PRH1: variants seen among roughly 807,000 people sequenced by gnomAD.
The protein encoded by PRH1 is salivary acidic proline-rich phosphoprotein 1/2.
Under a neutral mutation model 7.9 loss-of-function variants are expected in PRH1, and 7 were observed. The observed-to-expected ratio is 0.89, with a 90% CI of 0.50 to 1.67. The LOEUF is 1.67. Among genes scored for constraint, PRH1 ranks in the 40% most tolerant of loss-of-function variants. PRH1 has a pLI of 0.00. For missense variants in PRH1, 109 were observed against 223.6 expected, an observed-to-expected ratio of 0.49 and a Z score of 3.27; for synonymous variants, 45 against 80.8, an observed-to-expected ratio of 0.56 and a Z score of 2.38.
chr12:10,943,286 T>C (rs1432245560), intron 2 of PRH1, among the ~76,000 whole-genome samples: 2 of 152,198 alleles, frequency 1.3e-5, no homozygotes, highest in Admixed American at 1.3e-4. Context: ...TGGTGTGAGA[T>C]GGTACCTCAT....
chr12:11,079,749 G>A (rs538561501), intron 1 of PRH1, among the ~76,000 whole-genome samples: 1 of 117,008 alleles, frequency 8.5e-6, no homozygotes, highest in East Asian at 2.1e-4. Flanking sequence ...GAAAAATCTG[G>A]GATTGGCAGG....
intron 1 of PRH1, among the ~76,000 whole-genome samples, chr12:11,030,037 T>C (rs12819202): frequency 0.21 from 31,961 of 152,100 alleles, 3,941 homozygotes; most frequent in Non-Finnish European, 0.27. Context: ...GGATAAGCTG[T>C]TACTTCTTAA....
At chr12:10,900,312 G>T (rs1382836029) in intron 2 of PRH1, among the ~76,000 whole-genome samples, 1 of 152,224 alleles carries the variant, frequency 6.6e-6, no homozygotes, top group Non-Finnish European at 1.5e-5. Context: ...TAGAGACATT[G>T]TAAGGGAAAG....
At chr12:10,986,678 T>C (rs1310703770) in intron 1 of PRH1, 2 of 1,611,766 alleles carry the variant, frequency 1.2e-6, no homozygotes, top group African/African-American at 2.7e-5. Context: ...TTAATAATAA[T>C]GCCCAGAGCA....
At chr12:10,895,514 T>G (rs1178181277) in intron 2 of PRH1, 1 of 152,146 alleles carries the variant, frequency 6.6e-6, no homozygotes, top group Admixed American at 6.5e-5. Context: ...AATTTTCCAT[T>G]TCATCCAGAG....
chr12:10,972,935 C>G (rs907337580), intron 2 of PRH1, among the ~76,000 whole-genome samples: 11 of 123,200 alleles, frequency 8.9e-5, no homozygotes, highest in Admixed American at 2.4e-4. Context: ...ACAACCCACC[C>G]CCCCCGCCCG....
At chr12:10,950,740 G>C (rs1950558078) in intron 2 of PRH1, among the ~76,000 whole-genome samples, 1 of 151,812 alleles carries the variant, frequency 6.6e-6, no homozygotes, top group African/African-American at 2.4e-5. Flanking sequence ...AGATTGTTTA[G>C]ATTGTTTAAC....
At chr12:10,904,436 T>C (rs10845236) in intron 2 of PRH1, among the ~76,000 whole-genome samples, 74,630 of 152,018 alleles carry the variant, frequency 0.49, 20,755 homozygotes, top group East Asian at 0.72. Flanking sequence ...GAAAGGACTC[T>C]GTATTCAGTA....
At chr12:11,043,751 T>C (rs1162251950) in intron 1 of PRH1, among the ~76,000 whole-genome samples, 2 of 152,128 alleles carry the variant, frequency 1.3e-5, no homozygotes, top group African/African-American at 2.4e-5. Flanking sequence ...GAAAGATCTC[T>C]ATAATGAAAA....
At chr12:10,988,746 C>T (rs1050062020) in intron 1 of PRH1, among the ~76,000 whole-genome samples, 4 of 152,112 alleles carry the variant, frequency 2.6e-5, no homozygotes, top group African/African-American at 9.7e-5. Context: ...CTCCAAGCCC[C>T]TACACCTTTC....
intron 1 of PRH1, chr12:11,171,255 C>T: frequency 1.3e-6 from 1 of 758,676 alleles, no homozygotes. Context: ...GCCCGGGAGC[C>T]GCTTTGCTTA....
intron 2 of PRH1, among the ~76,000 whole-genome samples, chr12:10,896,445 T>A (rs1949645663): frequency 1.3e-5 from 2 of 152,162 alleles, no homozygotes; most frequent in South Asian, 4.1e-4. Flanking sequence ...CTCTCTGATA[T>A]AATACCAAAT....
chr12:11,073,729 G>A (rs1188212976), intron 1 of PRH1, among the ~76,000 whole-genome samples: 2 of 151,998 alleles, frequency 1.3e-5, no homozygotes, highest in Admixed American at 1.3e-4. Context: ...AACCTGCTCT[G>A]CCCATTGAGT....
chr12:11,017,873 G>A (rs1941377772), intron 1 of PRH1, among the ~76,000 whole-genome samples: 1 of 152,066 alleles, frequency 6.6e-6, no homozygotes, highest in Non-Finnish European at 1.5e-5. Context: ...TGAGCCTCTA[G>A]GGATTTTGGA....
In PRH1 at chr12:10,947,168, G is replaced by C. The variant is rs140225585; in HGVS notation, c.-59+26487C>G. On this transcript the variant is annotated intron_variant, in intron 2 of 3. Transcript: ENST00000539853. ...TCCATTTGGTCCAATGCTAAGTTTA[G>C]GTCCTAAATATCTTCATTAATTTTC... is the stretch of plus-strand genomic sequence containing the variant. 8.8e-4 allele frequency among the ~76,000 whole-genome samples: 134 copies of C among 152,186 alleles called. 1 individual carries two copies. Among genetic ancestry groups the C allele is most frequent in the African/African-American group, 3.0e-3 (124 of 41,522 alleles).
intron 1 of PRH1, among the ~76,000 whole-genome samples, chr12:11,162,075 G>A (rs920583706): frequency 1.1e-4 from 17 of 152,116 alleles, no homozygotes; most frequent in African/African-American, 4.1e-4. Context: ...CTTGAAATAC[G>A]TACCTTCTCC....
chr12:11,109,581 G>A (rs4763627), intron 1 of PRH1, among the ~76,000 whole-genome samples: 44,006 of 152,008 alleles, frequency 0.29, 8,249 homozygotes, highest in East Asian at 0.74. Context: ...AGAGGACCCT[G>A]ACTGTTAGAA....
At chr12:11,052,992 T>C (rs375398571) in intron 1 of PRH1, among the ~76,000 whole-genome samples, 1 of 16,152 alleles carries the variant, frequency 6.2e-5, no homozygotes, top group East Asian at 0.026. Flanking sequence ...TCCCAACACT[T>C]TAGTCAGAGA....
chr12:11,135,664 A>G (rs1946529702), intron 1 of PRH1, among the ~76,000 whole-genome samples: 1 of 152,208 alleles, frequency 6.6e-6, no homozygotes, highest in South Asian at 2.1e-4. Context: ...TCAGGAATTC[A>G]GGAGCCAAAA....
Sources: gnomAD v4.1 joint callset for allele counts (sites outside exome capture counted in the v4.1 genomes callset) on GRCh38, gnomAD v4.1.1 for gene constraint, MANE v1.5 for transcripts, NCBI Gene and HGNC (gene_info 2026-07-23, HGNC 2026-07-21) for gene names.